CCDC3: variants seen among roughly 807,000 people sequenced by gnomAD.
CCDC3 encodes the protein coiled-coil domain-containing protein 3.
A neutral mutation model predicts 21.4 loss-of-function variants in CCDC3; 24 were observed. The ratio of observed to expected loss-of-function variants is 1.12; its 90% CI spans 0.81 to 1.58. The LOEUF (loss-of-function observed/expected upper bound fraction) is 1.58, where lower values mean the gene tolerates loss of function less well. Ranked by LOEUF, CCDC3 falls within the 40% of genes most tolerant of loss-of-function variation. The probability of loss-of-function intolerance (pLI) is 0.00; values close to 1 mark genes in which losing one functional copy is unlikely to be tolerated. For missense variants in CCDC3, 425 were observed against 360.9 expected, an observed-to-expected ratio of 1.18 and a Z score of -1.44; for synonymous variants, 186 against 166.0, an observed-to-expected ratio of 1.12 and a Z score of -0.93.
rs146180881 is a variant in CCDC3, at chr10:13,075,033, C to T, written c.-502-933G>A. Among the ~76,000 whole-genome samples the T allele has an allele frequency of 1.4e-4, 22 of 152,270 alleles. No homozygotes were observed. In the East Asian group the frequency reaches 3.9e-3, roughly 27 times the overall value. On this transcript the variant is annotated intron_variant, in intron 3 of 6. Transcript: ENST00000378839. ...CATCTGCTGGACATGGACAAACAAT[C>T]GTAGGCGGGGAACATCAGAACTGAC...
At chr10:13,041,795 C>T (rs542888300) in intron 5 of CCDC3, among the ~76,000 whole-genome samples, 4 of 148,584 alleles carry the variant, frequency 2.7e-5, no homozygotes, top group South Asian at 4.4e-4. Context: ...GCCCTGGCAG[C>T]GAATCTTGAT....
chr10:12,979,597 C>A (rs1488352761), intron 2 of CCDC3, among the ~76,000 whole-genome samples: 3 of 151,962 alleles, frequency 2.0e-5, no homozygotes, highest in Non-Finnish European at 4.4e-5. Flanking sequence ...ATCTCAAACT[C>A]CCGGACTCAA....
intron 2 of CCDC3, among the ~76,000 whole-genome samples, chr10:12,984,526 C>T (rs545969376): frequency 6.6e-6 from 1 of 152,282 alleles, no homozygotes; most frequent in African/African-American, 2.4e-5. Flanking sequence ...ACATAGTTAC[C>T]ATCTGACCCA....
chr10:13,083,293 T>C (rs1182674793), intron 3 of CCDC3, among the ~76,000 whole-genome samples: 1 of 152,210 alleles, frequency 6.6e-6, no homozygotes, highest in Non-Finnish European at 1.5e-5. Flanking sequence ...AAAAGCTTTT[T>C]CTTTTAAAAA....
chr10:12,996,517 G>C, intron 2 of CCDC3, among the ~76,000 whole-genome samples: 1 of 152,176 alleles, frequency 6.6e-6, no homozygotes, highest in East Asian at 1.9e-4. Flanking sequence ...TGTATTTTTA[G>C]TAGAGACAGG....
chr10:12,962,949 T>A (rs1445174992), intron 2 of CCDC3, among the ~76,000 whole-genome samples: 1 of 152,210 alleles, frequency 6.6e-6, no homozygotes, highest in African/African-American at 2.4e-5. Context: ...ATGTGTGTGT[T>A]TTCATAAAAA....
chr10:13,094,487 C>T (rs1378655252), intron 3 of CCDC3, among the ~76,000 whole-genome samples: 1 of 151,894 alleles, frequency 6.6e-6, no homozygotes, highest in Non-Finnish European at 1.5e-5. Flanking sequence ...GATCTCTTGA[C>T]CTCATGACCC....
chr10:12,994,571 A>T (rs1180927145), intron 2 of CCDC3, among the ~76,000 whole-genome samples: 5 of 152,102 alleles, frequency 3.3e-5, no homozygotes, highest in African/African-American at 1.2e-4. Context: ...GAATATGCGG[A>T]GTGTTAGCGT....
chr10:13,040,046 T>A (rs925181959), intron 5 of CCDC3, among the ~76,000 whole-genome samples: 2 of 152,078 alleles, frequency 1.3e-5, no homozygotes, highest in African/African-American at 4.8e-5. Flanking sequence ...TAATTTGAAT[T>A]ATGACTTCAG....
At chr10:13,011,519 C>A (rs1301829019) in intron 5 of CCDC3, among the ~76,000 whole-genome samples, 1 of 152,004 alleles carries the variant, frequency 6.6e-6, no homozygotes, top group Non-Finnish European at 1.5e-5. Context: ...TACAAAACGG[C>A]TGCTCAAAAA....
intron 4 of CCDC3, among the ~76,000 whole-genome samples, chr10:13,065,366 T>C (rs149351427): frequency 1.3e-5 from 2 of 152,260 alleles, no homozygotes; most frequent in Non-Finnish European, 2.9e-5. Flanking sequence ...ATCCTACTAT[T>C]GATCAACTTA....
chr10:12,961,310 G>A (rs780756956), intron 2 of CCDC3, among the ~76,000 whole-genome samples: 5 of 152,172 alleles, frequency 3.3e-5, no homozygotes, highest in Non-Finnish European at 4.4e-5. Context: ...CCAAGTGGCC[G>A]CTACCTACTA....
chr10:12,984,080 AAAAC>A (rs773299178), intron 2 of CCDC3, among the ~76,000 whole-genome samples: 6 of 152,210 alleles, frequency 3.9e-5, no homozygotes, highest in African/African-American at 1.2e-4. Context: ...ACTCTCTCAA[AAAAC>A]AAACAAACAA....
At chr10:12,922,957 A>T (rs1834475544) in intron 2 of CCDC3, among the ~76,000 whole-genome samples, 1 of 152,194 alleles carries the variant, frequency 6.6e-6, no homozygotes, top group Non-Finnish European at 1.5e-5. Flanking sequence ...ATATAAACTT[A>T]TGACATCCTT....
upstream of CCDC3, among the ~76,000 whole-genome samples, chr10:13,002,344 C>T (rs1184026355): frequency 6.6e-6 from 1 of 152,130 alleles, no homozygotes; most frequent in African/African-American, 2.4e-5. Context: ...ATACTGACTC[C>T]ACAGTTCCAT....
At position 12,897,926 on chromosome 10, in the gene CCDC3, G is replaced by T. The variant is rs1302397942; in HGVS notation, c.*490C>A. The T allele has an allele frequency of 6.5e-6, 1 of 153,888 alleles. No individual in the cohort carries two copies. Among genetic ancestry groups the T allele is most frequent in the African/African-American group, 2.4e-5 (1 of 41,454 alleles). 9.5% of individuals were successfully genotyped at this position (153,888 alleles called of 1,614,324 possible). A position where few individuals can be genotyped will look rare whatever the true frequency, so the allele number is the denominator to read the frequency against. ...GATTTTCAGGCATCTTGGATGCAAG[G>T]CCACCATCCCCTTCCAAAGATGTGG... On this transcript the variant is annotated 3_prime_UTR_variant, in exon 3 of 3. Coordinates refer to ENST00000378825, the MANE Select transcript of CCDC3 (RefSeq NM_031455.4).
intron 2 of CCDC3, among the ~76,000 whole-genome samples, chr10:12,909,844 T>TCTA (rs1834238394): frequency 6.6e-6 from 1 of 152,090 alleles, no homozygotes; most frequent in South Asian, 2.1e-4. Flanking sequence ...CTTTTCAGGG[T>TCTA]CTAGGGTATT....
At chr10:13,004,751 GA>G (rs1835906056), upstream of CCDC3, among the ~76,000 whole-genome samples, 1 of 151,996 alleles carries the variant, frequency 6.6e-6, no homozygotes, top group African/African-American at 2.4e-5. Context: ...CCACATTGTT[GA>G]GGCAATGAAT....
chr10:12,949,078 G>A (rs1834970988), intron 2 of CCDC3, among the ~76,000 whole-genome samples: 1 of 152,086 alleles, frequency 6.6e-6, no homozygotes, highest in South Asian at 2.1e-4. Context: ...TGAGTGAACT[G>A]CAACATCACA....
Sources: allele counts gnomAD v4.1 joint callset (sites outside exome capture counted in the v4.1 genomes callset), GRCh38; gene constraint gnomAD v4.1.1; transcripts MANE v1.5; gene names NCBI Gene and HGNC (gene_info 2026-07-23, HGNC 2026-07-21).